ABL1: variants seen among roughly 807,000 people sequenced by gnomAD.
The protein encoded by ABL1 is tyrosine-protein kinase ABL1.
ABL1 carries 11 observed loss-of-function variants against 94.7 expected under a neutral mutation model. That is an observed-to-expected ratio of 0.12 (90% CI 0.07 to 0.19). The LOEUF is 0.19. Ranked by LOEUF, ABL1 falls within the 10% of genes least tolerant of loss-of-function variation. The pLI, the probability that ABL1 is intolerant of heterozygous loss-of-function variation, is 1.00. For synonymous variants in ABL1, 656 were observed against 622.4 expected (o/e 1.05, Z -0.80); for missense variants, 1,082 against 1,489.4 (o/e 0.73, Z 4.50).
At position 130,835,549 on chromosome 9, in the gene ABL1, G is replaced by C; in HGVS notation, c.79+24G>C. 1 of 1,543,986 alleles carries C rather than the reference G, an allele frequency of 6.5e-7. No individual in the cohort carries two copies. Among genetic ancestry groups the C allele is most frequent in the Non-Finnish European group, 8.8e-7 (1 of 1,141,906 alleles). ...AGGTAAGCCCGGGCCGCACGGGTTGGGCTGAGTAGCCGCGCGCCCTCCCGC... is the reference window on the plus strand; with the variant it reads ...AGGTAAGCCCGGGCCGCACGGGTTGCGCTGAGTAGCCGCGCGCCCTCCCGC... On this transcript the variant is annotated intron_variant, in intron 1 of 10. Coordinates refer to ENST00000318560, the MANE Select transcript of ABL1 (RefSeq NM_005157.6). This position sits in a 1 kb window ranked among gnomAD's most constrained non-coding sequence, Gnocchi z 4.6.
intron 1 of ABL1, among the ~76,000 whole-genome samples, chr9:130,739,386 A>G (rs940285019): frequency 6.6e-6 from 1 of 151,628 alleles, no homozygotes; most frequent in South Asian, 2.1e-4. Flanking sequence ...AAGGCTTTTT[A>G]AAAAAGTTTA....
At chr9:130,770,412 C>T (rs1315098858) in intron 1 of ABL1, among the ~76,000 whole-genome samples, 4 of 152,134 alleles carry the variant, frequency 2.6e-5, no homozygotes, top group Non-Finnish European at 5.9e-5. Context: ...GAGGCTGAGG[C>T]AGGAGGATCA....
chr9:130,795,252 G>A (rs1343988083), intron 1 of ABL1, among the ~76,000 whole-genome samples: 1 of 152,180 alleles, frequency 6.6e-6, no homozygotes, highest in African/African-American at 2.4e-5. Context: ...ATTATGAAGT[G>A]GGTGGTTTTA....
intron 1 of ABL1, among the ~76,000 whole-genome samples, chr9:130,723,478 G>C (rs554570522): frequency 6.6e-6 from 1 of 152,152 alleles, no homozygotes; most frequent in African/African-American, 2.4e-5. Flanking sequence ...CCAGGAGTTC[G>C]AGGCTGAAGC....
intron 1 of ABL1, among the ~76,000 whole-genome samples, chr9:130,741,348 A>G (rs1831815006): frequency 6.6e-6 from 1 of 152,004 alleles, no homozygotes; most frequent in African/African-American, 2.4e-5. Context: ...CCAGAGTAAC[A>G]GTTACAGCAC....
intron 1 of ABL1, among the ~76,000 whole-genome samples, chr9:130,838,269 A>G (rs979158521): frequency 1.1e-4 from 13 of 121,216 alleles, no homozygotes; most frequent in Admixed American, 2.5e-4. Flanking sequence ...TGGATGCTCT[A>G]CTGATGTCTC....
intron 1 of ABL1, among the ~76,000 whole-genome samples, chr9:130,717,269 C>T (rs1831454817): frequency 6.6e-6 from 1 of 152,120 alleles, no homozygotes; most frequent in Non-Finnish European, 1.5e-5. Context: ...TCTTGAACTC[C>T]TGACTTCAAA....
intron 1 of ABL1, among the ~76,000 whole-genome samples, chr9:130,812,940 G>A (rs368537818): frequency 1.8e-3 from 275 of 152,328 alleles, no homozygotes; most frequent in African/African-American, 6.3e-3. Flanking sequence ...TAGACCCGGC[G>A]GGTTGGCTCA....
chr9:130,852,055 A>G (rs907762729), intron 1 of ABL1, among the ~76,000 whole-genome samples: 8 of 152,120 alleles, frequency 5.3e-5, no homozygotes, highest in African/African-American at 1.7e-4. Context: ...CTGGGATTAC[A>G]GGGGTGAGCC....
At chr9:130,726,464 T>G (rs1440204495) in intron 1 of ABL1, among the ~76,000 whole-genome samples, 1 of 152,196 alleles carries the variant, frequency 6.6e-6, no homozygotes, top group Non-Finnish European at 1.5e-5. Flanking sequence ...GCTTTTTCCA[T>G]TCCTCACATT....
chr9:130,880,008 C>T lies in ABL1; in HGVS notation c.1424-60C>T, dbSNP rs527524204. 7 of 1,483,346 alleles carry T rather than the reference C, an allele frequency of 4.7e-6. No individual in the cohort carries two copies. The East Asian group carries it at 1.4e-4, about 29-fold the overall frequency. The allele number at this position is 1,483,346 out of a possible 1,614,324, so 91.9% of individuals were successfully genotyped here. On this transcript the variant is annotated intron_variant, in intron 8 of 10. Transcript: ENST00000318560. The surrounding 1 kb of genome is among the most constrained non-coding windows in gnomAD (Gnocchi z 4.4). ...ATTCTAGACTTTTCCTTGAGAACTG[C>T]TAGCCCCGTATTGCTAGCCAGATCT...
chr9:130,879,175 C>A (rs1831408662), intron 8 of ABL1, among the ~76,000 whole-genome samples: 1 of 152,232 alleles, frequency 6.6e-6, no homozygotes, highest in Admixed American at 6.5e-5. Context: ...CCACGCCCAG[C>A]TGCGAGGTGA....
chr9:130,795,958 G>A (rs917943099), intron 1 of ABL1, among the ~76,000 whole-genome samples: 1 of 152,186 alleles, frequency 6.6e-6, no homozygotes, highest in African/African-American at 2.4e-5. Flanking sequence ...TTGGGAGGCC[G>A]AGGCTGGCGG....
At chr9:130,873,179 A>G in intron 6 of ABL1, 142 bp downstream of exon 6, 1 of 892,846 alleles carries the variant, frequency 1.1e-6, no homozygotes. Context: ...CTTGGAACAA[A>G]GGCAAACACT....
chr9:130,762,074 C>T (rs541269529), intron 1 of ABL1, among the ~76,000 whole-genome samples: 4 of 147,074 alleles, frequency 2.7e-5, no homozygotes, highest in South Asian at 2.1e-4. Flanking sequence ...ACCTGGGAGG[C>T]GAAGTTTGTG....
intron 1 of ABL1, among the ~76,000 whole-genome samples, chr9:130,806,627 C>G (rs1376642577): frequency 6.7e-6 from 1 of 148,634 alleles, no homozygotes; most frequent in African/African-American, 2.6e-5. Context: ...CCAGCCTGGA[C>G]AACAAAGTGA....
intron 1 of ABL1, among the ~76,000 whole-genome samples, chr9:130,803,266 G>T (rs529513472): frequency 7.4e-4 from 113 of 152,186 alleles, no homozygotes; most frequent in Non-Finnish European, 1.4e-3. Context: ...TCACGAACTC[G>T]TGAACTCATG....
rs998844962 is a variant in ABL1, at chr9:130,835,838, C to G, written c.79+313C>G. Among the ~76,000 whole-genome samples the G allele has an allele frequency of 2.0e-5, 3 of 152,252 alleles. No homozygotes were observed. ...TGGCCCCCAGCCCCGGCACCAGCCC[C>G]GGTAGAGCCACGCCGGATGGTGACG... On this transcript the variant is annotated intron_variant, in intron 1 of 10. Coordinates refer to ENST00000318560, the MANE Select transcript of ABL1 (RefSeq NM_005157.6). The surrounding 1 kb of genome is among the most constrained non-coding windows in gnomAD (Gnocchi z 4.6).
chr9:130,721,887 T>C (rs1488912080), intron 1 of ABL1, among the ~76,000 whole-genome samples: 1 of 138,834 alleles, frequency 7.2e-6, no homozygotes, highest in Admixed American at 8.1e-5. Flanking sequence ...AGTGGCACAA[T>C]CTCAGCTCAT....
Sources: allele counts gnomAD v4.1 joint callset (sites outside exome capture counted in the v4.1 genomes callset), GRCh38; gene constraint gnomAD v4.1.1; non-coding constraint Gnocchi (gnomAD v3.1); transcripts MANE v1.5; gene names NCBI Gene and HGNC (gene_info 2026-07-23, HGNC 2026-07-21).